The following PTPRN variants were observed in gnomAD, a reference collection of about 807,000 sequenced individuals.
The protein encoded by PTPRN is receptor-type tyrosine-protein phosphatase-like N.
Under a neutral mutation model 108.5 loss-of-function variants are expected in PTPRN, and 70 were observed. The observed-to-expected ratio is 0.65, with a 90% CI of 0.53 to 0.79. PTPRN has a LOEUF of 0.79. Among genes scored for constraint, PTPRN ranks in the 30% least tolerant of loss-of-function variants. PTPRN has a pLI of 0.00. For synonymous variants in PTPRN, 496 were observed against 524.6 expected, an observed-to-expected ratio of 0.95 and a Z score of 0.75; for missense variants, 1,136 against 1,295.5, an observed-to-expected ratio of 0.88 and a Z score of 1.89.
chr2:219,295,332 C>T, intron 18 of PTPRN, 191 bp from the exon 19 acceptor site: 1 of 576,090 alleles, frequency 1.7e-6, no homozygotes. Flanking sequence ...CCACTAGTAG[C>T]TTTTCCACCC....
chr2:219,300,159 A>G lies in PTPRN; in HGVS notation c.1262T>C (p.Val421Ala). 1 of 1,613,650 alleles carries G rather than the reference A, an allele frequency of 6.2e-7. No homozygotes were observed. The highest frequency in any genetic ancestry group is 1.1e-5 in the South Asian group (1 of 91,050). Residue 421 changes from valine to alanine, a missense_variant, in exon 9 of 23, where the codon GTC (valine) becomes GCC (alanine). Val to Ala is a moderately conservative substitution (Grantham distance 64). Coordinates refer to ENST00000295718, the MANE Select transcript of PTPRN (RefSeq NM_002846.4). Reference sequence around the variant, plus strand: ...GGAGACAGGGCTTGGCACCTGCTGGACTTCACTGGAGGTAGGGCTGGCAGT... The same window carrying G: ...GGAGACAGGGCTTGGCACCTGCTGGGCTTCACTGGAGGTAGGGCTGGCAGT... ...HPTASPTSSE[V>A]QQVPSPVSSE... is the part of the protein sequence containing the mutation.
rs753442258 is a variant in PTPRN at position 219,299,968 on chromosome 2, C to T, written c.1436+17G>A. On this transcript the variant is annotated intron_variant, in intron 9 of 22. Transcript: ENST00000295718. ...AATCCTAGCAGACCAGAAAGCTTCC[C>T]AGGATGCAGCCCTTACTTCTGATCA... 6.2e-7 allele frequency: 1 copy of T among 1,613,738 alleles called. No homozygotes were observed. Among genetic ancestry groups the T allele is most frequent in the South Asian group, 1.1e-5 (1 of 91,014 alleles).
At position 219,305,225 on chromosome 2, in the gene PTPRN, C is replaced by T. The variant is rs544458861; in HGVS notation, c.281-1394G>A. The stretch of plus-strand genomic sequence containing the variant: ...CTCCCTGAGAGGAAGTTGATGGTTC[C>T]TCTCTTTATCCTGGTCCTCATTTTT... On this transcript the variant is annotated intron_variant, in intron 3 of 22. Transcript: ENST00000295718. 1.1e-4 allele frequency among the ~76,000 whole-genome samples: 16 copies of T among 151,914 alleles called. No homozygotes were observed. The South Asian group carries it at 1.9e-3, about 18-fold the overall frequency.
rs777845713 is a variant in PTPRN, at chr2:219,300,142, G to A, written c.1279C>T (p.Pro427Ser). ...TSSEVQQVPS[P>S]VSSEPPKAAR... ...GCTTTGGGAGGCTCAGAGGAGACAG[G>A]GCTTGGCACCTGCTGGACTTCACTG... The change falls in exon 9 of 23, where the codon CCT becomes TCT. Residue 427 changes from proline (P) to serine (S), a missense_variant. Pro to Ser is a moderately conservative substitution (Grantham distance 74, BLOSUM62 -1). Coordinates refer to ENST00000295718, the MANE Select transcript of PTPRN (RefSeq NM_002846.4). 3.1e-6 allele frequency: 5 copies of A among 1,614,012 alleles called. No individual in the cohort carries two copies. The highest frequency in any genetic ancestry group is 4.2e-6 in the Non-Finnish European group (5 of 1,179,940).
At chr2:219,307,309 C>G in intron 3 of PTPRN, 135 bp downstream of exon 3, 2 of 725,782 alleles carry the variant, frequency 2.8e-6, no homozygotes, top group East Asian at 5.4e-5. Flanking sequence ...GGTTCCACCT[C>G]TTACTCTAGC....
rs200222517 is a variant in PTPRN at position 219,307,515 on chromosome 2, C to T, written c.209G>A (p.Arg70Gln). Residue 70 changes from arginine (R) to glutamine (Q), a missense_variant, in exon 3 of 23, where the codon CGG becomes CAG. Arg to Gln is a conservative substitution (Grantham distance 43, BLOSUM62 1). Coordinates refer to ENST00000295718, the MANE Select transcript of PTPRN (RefSeq NM_002846.4). The part of the protein sequence containing the change: ...GQCQVGVGQA[R>Q]PLLQVTSPVL... The stretch of plus-strand genomic sequence containing the variant: ...TGGGGAGGTGACTTGCAAAAGGGGC[C>T]GGGCCTGCCCCACTCCCACCTGGCA... The T allele has an allele frequency of 1.6e-5, 26 of 1,614,122 alleles. No homozygotes were observed. The highest frequency in any genetic ancestry group is 8.3e-5 in the Admixed American group (5 of 60,026).
At chr2:219,302,551 G>T (rs776174764) in intron 5 of PTPRN, 25 bp downstream of exon 5, 52 of 1,612,660 alleles carry the variant, frequency 3.2e-5, no homozygotes, top group Non-Finnish European at 4.1e-5. Context: ...CTGCGGTTGG[G>T]GTGGGACCAG....
intron 12 of PTPRN, 151 bp downstream of exon 12, chr2:219,298,896 C>T (rs566452394): frequency 5.5e-4 from 451 of 826,850 alleles, no homozygotes; most frequent in Non-Finnish European, 8.3e-4. Context: ...AAGAGAACTG[C>T]GGGGAGGGGC....
Position 219,307,574 on chromosome 2 carries a change from G to A in PTPRN, c.167-17C>T. 1 of 1,608,822 alleles carries A rather than the reference G, an allele frequency of 6.2e-7. No individual in the cohort carries two copies. ...ACAAGCCATCTAAGGGCACAAAAGT[G>A]GTGTCAGCAGGGGGCTTGAATAAGA... On this transcript the variant is annotated splice_polypyrimidine_tract_variant and intron_variant, in intron 2 of 22. Transcript: ENST00000295718.
rs140594099 is a variant in PTPRN at position 219,297,390 on chromosome 2, C to T, written c.1931G>A (p.Arg644Gln). ...QHMATKSLFNRAEGPPEPSRV... is the reference protein window; with the variant it reads ...QHMATKSLFNQAEGPPEPSRV... ...TGAAGGCTCCGGTGGACCCTCTGCC[C>T]GGTTGAACAAGGACTTCGTGGCCAT... The change falls in exon 14 of 23, where the codon CGG becomes CAG. Residue 644 changes from arginine (R) to glutamine (Q), a missense_variant. Coordinates refer to ENST00000295718, the MANE Select transcript of PTPRN (RefSeq NM_002846.4). This position sits in a 1 kb window ranked among gnomAD's most constrained non-coding sequence, Gnocchi z 6.0. 9.9e-6 allele frequency: 16 copies of T among 1,613,950 alleles called. No individual in the cohort carries two copies. The highest frequency in any genetic ancestry group is 2.7e-5 in the African/African-American group (2 of 74,926).
intron 4 of PTPRN, among the ~76,000 whole-genome samples, chr2:219,303,203 T>C (rs1284210498): frequency 6.6e-6 from 1 of 152,132 alleles, no homozygotes; most frequent in Non-Finnish European, 1.5e-5. Flanking sequence ...GTGTGCCATG[T>C]CCCCACACCT....
At chr2:219,295,622 C>G (rs779407539) in intron 18 of PTPRN, 7 of 154,928 alleles carry the variant, frequency 4.5e-5, no homozygotes, top group African/African-American at 1.7e-4. Context: ...TGGGGACTCA[C>G]GTTCTCCCAT....
intron 3 of PTPRN, among the ~76,000 whole-genome samples, chr2:219,305,175 AC>A (rs139406915): frequency 0.034 from 5,071 of 150,378 alleles, 278 homozygotes; most frequent in African/African-American, 0.12. Flanking sequence ...TTTTAATCCT[AC>A]TCCACTGGCT....
chr2:219,292,951 C>CA (rs1369688762), intron 19 of PTPRN: 1 of 152,190 alleles, frequency 6.6e-6, no homozygotes, highest in Non-Finnish European at 1.5e-5. Flanking sequence ...GTTTCATCCT[C>CA]AAACCACCCC....
chr2:219,299,326 C>T lies in PTPRN; in HGVS notation c.1582G>A (p.Ala528Thr), dbSNP rs756933358. ...IRHNEQNLSL[A>T]DVTQQAGLVK... ...TTACCTGCTTGTTGGGTCACATCAG[C>T]CAAAGACAGGTTCTGCTCATTGTGC... Residue 528 changes from alanine (A) to threonine (T), a missense_variant, in exon 11 of 23, where the codon GCT becomes ACT. Physicochemically the swap from Ala to Thr is moderately conservative, Grantham distance 58. Transcript: ENST00000295718. The T allele has an allele frequency of 3.7e-6, 6 of 1,614,262 alleles. No individual in the cohort carries two copies. The highest frequency in any genetic ancestry group is 5.1e-6 in the Non-Finnish European group (6 of 1,180,042).
intron 3 of PTPRN, chr2:219,304,169 T>G (rs1952426520): frequency 5.7e-6 from 1 of 175,674 alleles, no homozygotes; most frequent in African/African-American, 2.4e-5. Context: ...CATATACATA[T>G]CAAACGGTTA....
chr2:219,302,720 A>G lies in PTPRN; in HGVS notation c.495T>C (p.Gly165=), dbSNP rs775042098. The G allele has an allele frequency of 6.2e-7, 1 of 1,613,336 alleles. No individual in the cohort carries two copies. Among genetic ancestry groups the G allele is most frequent in the Non-Finnish European group, 8.5e-7 (1 of 1,179,848 alleles). Residue 165 remains glycine, a synonymous_variant, in exon 5 of 23, where the codon GGT becomes GGC. Transcript: ENST00000295718. ...ACAGAGAGGAGCTGGCCCCAGCTCC[A>G]CCTTTGCCCACTGGTGGTTGTGGAA... ...HRLPQPPVGK[G]GAGASSSLSP... is the part of the protein sequence containing the mutation.
Position 219,302,607 on chromosome 2 carries a change from G to A in PTPRN, c.608C>T (p.Pro203Leu). ...GAACAGGTAGGGCTGCAGCAAGGCAGGTTCGTAACTCAGTGAAGGGTGGGG... is the reference window on the plus strand; with the variant it reads ...GAACAGGTAGGGCTGCAGCAAGGCAAGTTCGTAACTCAGTGAAGGGTGGGG... ...QPPHPSLSYE[P>L]ALLQPYLFHQ... Residue 203 changes from proline (P) to leucine (L), a missense_variant, in exon 5 of 23, where the codon CCT becomes CTT. Pro to Leu is a moderately conservative substitution (Grantham distance 98). Coordinates refer to ENST00000295718, the MANE Select transcript of PTPRN (RefSeq NM_002846.4). 6.2e-7 allele frequency: 1 copy of A among 1,614,012 alleles called. No individual in the cohort carries two copies. The highest frequency in any genetic ancestry group is 1.3e-5 in the African/African-American group (1 of 75,040).
rs759065165 is a variant in PTPRN at position 219,296,003 on chromosome 2, CAT to C, written c.2508+221_2508+222del. On this transcript the variant is annotated intron_variant, in intron 18 of 22. Transcript: ENST00000295718. The surrounding 1 kb of genome is among the most constrained non-coding windows in gnomAD (Gnocchi z 6.0). ...ACACACACACACACACACACACACA[CAT>C]GTATGTTCTGTAAACAGGACACACA... 6,325 of 577,808 alleles carry C rather than the reference CAT, an allele frequency of 0.011. 40 individuals are homozygous for C. The highest frequency in any genetic ancestry group is 0.013 in the Non-Finnish European group (4,568 of 343,096). The allele number at this position is 577,808 out of a possible 1,614,324, so 35.8% of individuals were successfully genotyped here. A position where few individuals can be genotyped will look rare whatever the true frequency, so the allele number is the denominator to read the frequency against.
Sources: gnomAD v4.1 joint callset for allele counts (sites outside exome capture counted in the v4.1 genomes callset) on GRCh38, gnomAD v4.1.1 for gene constraint, Gnocchi (gnomAD v3.1) non-coding constraint, MANE v1.5 for transcripts, NCBI Gene and HGNC (gene_info 2026-07-23, HGNC 2026-07-21) for gene names.